The following RPS6KC1 variants were observed in gnomAD, a reference collection of about 807,000 sequenced individuals.
RPS6KC1 encodes inactive ribosomal protein S6 kinase delta-1.
In RPS6KC1, 54 loss-of-function variants were observed where a neutral mutation model predicts 103.8. The ratio of observed to expected loss-of-function variants is 0.52; its 90% CI spans 0.42 to 0.65. RPS6KC1 has a LOEUF of 0.65. Among genes scored for constraint, RPS6KC1 ranks in the 30% least tolerant of loss-of-function variants. The probability of loss-of-function intolerance (pLI) is 0.00; values close to 1 mark genes in which losing one functional copy is unlikely to be tolerated. For synonymous variants in RPS6KC1, 439 were observed against 438.7 expected (o/e 1.00, Z -0.01); for missense variants, 1,151 against 1,253.8 (o/e 0.92, Z 1.24).
chr1:213,748,508 T>C, the RPS6KC1 span, among the ~76,000 whole-genome samples: 1 of 152,234 alleles, frequency 6.6e-6, no homozygotes, highest in African/African-American at 2.4e-5. Flanking sequence ...ATCCTCATTG[T>C]AATGGAAAAC....
At chr1:213,067,931 A>G (rs531286874) in intron 1 of RPS6KC1, among the ~76,000 whole-genome samples, 2 of 152,358 alleles carry the variant, frequency 1.3e-5, no homozygotes, top group African/African-American at 4.8e-5. Flanking sequence ...TGGTACTTCT[A>G]ATATGTACAC....
chr1:213,780,712 G>T, the RPS6KC1 span, among the ~76,000 whole-genome samples: 3 of 152,150 alleles, frequency 2.0e-5, no homozygotes, highest in Admixed American at 6.5e-5. Flanking sequence ...GAGGGATGAG[G>T]TTCAAAGGGA....
At chr1:213,200,336 C>T (rs957403328) in intron 8 of RPS6KC1, among the ~76,000 whole-genome samples, 4 of 151,800 alleles carry the variant, frequency 2.6e-5, no homozygotes, top group African/African-American at 9.7e-5. Context: ...GACTGCATAC[C>T]CACAACTATC....
At chr1:213,118,767 G>A (rs761631560) in intron 5 of RPS6KC1, among the ~76,000 whole-genome samples, 8 of 151,884 alleles carry the variant, frequency 5.3e-5, no homozygotes, top group Non-Finnish European at 1.0e-4. Flanking sequence ...TAATGCATGG[G>A]GGCCACATGC....
the RPS6KC1 span, among the ~76,000 whole-genome samples, chr1:213,490,785 G>A: frequency 6.6e-6 from 1 of 152,174 alleles, no homozygotes; most frequent in Non-Finnish European, 1.5e-5. Flanking sequence ...TGAAAAGGTG[G>A]CAGCAGGTTT....
chr1:213,685,062 C>A, the RPS6KC1 span, among the ~76,000 whole-genome samples: 5 of 152,252 alleles, frequency 3.3e-5, no homozygotes, highest in East Asian at 1.9e-4. Context: ...CCTTTTATTT[C>A]TTGCTTCTAC....
At chr1:213,607,105 T>C in the RPS6KC1 span, among the ~76,000 whole-genome samples, 32 of 152,284 alleles carry the variant, frequency 2.1e-4, no homozygotes, top group African/African-American at 7.7e-4. Flanking sequence ...TCAGCAATGT[T>C]TTCAGGAAGA....
chr1:213,812,488 C>T, the RPS6KC1 span, among the ~76,000 whole-genome samples: 1 of 152,272 alleles, frequency 6.6e-6, no homozygotes, highest in Non-Finnish European at 1.5e-5. Flanking sequence ...TTCTTAAATT[C>T]TGTGTATTCT....
chr1:213,746,379 C>A, the RPS6KC1 span, among the ~76,000 whole-genome samples: 1 of 152,114 alleles, frequency 6.6e-6, no homozygotes, highest in Non-Finnish European at 1.5e-5. Context: ...CACAGCAGCC[C>A]TAAAGTGAGG....
At chr1:213,240,592 T>C in intron 10 of RPS6KC1, 110 bp from the exon 11 acceptor site, 1 of 882,734 alleles carries the variant, frequency 1.1e-6, no homozygotes, top group Non-Finnish European at 1.8e-6. Flanking sequence ...TGGATATTAT[T>C]GACTTGTTTT....
the RPS6KC1 span, among the ~76,000 whole-genome samples, chr1:213,311,633 T>C: frequency 0.31 from 46,480 of 151,558 alleles, 7,295 homozygotes; most frequent in Middle Eastern, 0.4. Context: ...TGGGGGTGGG[T>C]GATGGGGGTG....
chr1:213,465,543 A>G, the RPS6KC1 span, among the ~76,000 whole-genome samples: 1 of 152,144 alleles, frequency 6.6e-6, no homozygotes, highest in African/African-American at 2.4e-5. Context: ...TAGCTCTCCC[A>G]GGTCACTCTA....
the RPS6KC1 span, among the ~76,000 whole-genome samples, chr1:213,554,637 G>T: frequency 1.3e-5 from 2 of 152,196 alleles, no homozygotes; most frequent in South Asian, 2.1e-4. Context: ...TCTCCATGTT[G>T]CGTGTTGCAC....
chr1:213,439,699 A>C, the RPS6KC1 span, among the ~76,000 whole-genome samples: 1 of 152,196 alleles, frequency 6.6e-6, no homozygotes, highest in Non-Finnish European at 1.5e-5. Flanking sequence ...TAGTTTCATT[A>C]TTATGAACCC....
At chr1:213,709,150 G>A in the RPS6KC1 span, among the ~76,000 whole-genome samples, 6 of 152,116 alleles carry the variant, frequency 3.9e-5, no homozygotes, top group South Asian at 8.3e-4. Context: ...TGTACCTCTC[G>A]TAGAATTTGT....
At chr1:213,121,690 C>T (rs2084403659) in intron 5 of RPS6KC1, among the ~76,000 whole-genome samples, 1 of 152,138 alleles carries the variant, frequency 6.6e-6, no homozygotes, top group Non-Finnish European at 1.5e-5. Flanking sequence ...GCCTTGATAT[C>T]AGAGACTTGG....
At chr1:213,752,548 T>A in the RPS6KC1 span, among the ~76,000 whole-genome samples, 1 of 152,184 alleles carries the variant, frequency 6.6e-6, no homozygotes, top group Non-Finnish European at 1.5e-5. Context: ...ATACTCGTCC[T>A]CCATAAGATG....
intron 6 of RPS6KC1, among the ~76,000 whole-genome samples, chr1:213,141,340 G>A (rs1175675977): frequency 6.6e-6 from 1 of 152,050 alleles, no homozygotes; most frequent in Non-Finnish European, 1.5e-5. Context: ...TCCTGGTTCA[G>A]TCTTGGGAGG....
the RPS6KC1 span, among the ~76,000 whole-genome samples, chr1:213,363,802 C>CTTTT: frequency 1.4e-5 from 1 of 71,124 alleles, no homozygotes; most frequent in East Asian, 2.8e-4. Context: ...TTCTTTCTTT[C>CTTTT]TTTCTTTCTT....
Sources: gnomAD v4.1 joint callset for allele counts (sites outside exome capture counted in the v4.1 genomes callset) on GRCh38, gnomAD v4.1.1 for gene constraint, MANE v1.5 for transcripts, NCBI Gene and HGNC (gene_info 2026-07-23, HGNC 2026-07-21) for gene names.